Variants in CCDC102B observed in about 807,000 individuals in gnomAD.
CCDC102B encodes coiled-coil domain containing 102B.
In CCDC102B, 75 loss-of-function variants were observed where a neutral mutation model predicts 57.4. The observed-to-expected ratio is 1.31, with a 90% CI of 1.08 to 1.58. CCDC102B has a LOEUF of 1.58. Ranked by LOEUF, CCDC102B falls within the 40% of genes most tolerant of loss-of-function variation. The probability of loss-of-function intolerance (pLI) is 0.00; values close to 1 mark genes in which losing one functional copy is unlikely to be tolerated. For synonymous variants in CCDC102B, 206 were observed against 201.9 expected (o/e 1.02, Z -0.17); for missense variants, 636 against 582.6 (o/e 1.09, Z -0.94).
At chr18:69,025,702 A>G (rs2051969379) in intron 7 of CCDC102B, among the ~76,000 whole-genome samples, 1 of 152,220 alleles carries the variant, frequency 6.6e-6, no homozygotes, top group South Asian at 2.1e-4. Flanking sequence ...TTCTGTCATT[A>G]CTTGGTAACA....
intron 1 of CCDC102B, among the ~76,000 whole-genome samples, chr18:68,800,594 TG>T (rs2035811175): frequency 6.6e-6 from 1 of 152,148 alleles, no homozygotes; most frequent in Non-Finnish European, 1.5e-5. Flanking sequence ...ATCACTGATT[TG>T]CACTGAATAT....
At chr18:68,848,281 C>A (rs2037966476) in intron 4 of CCDC102B, among the ~76,000 whole-genome samples, 1 of 151,910 alleles carries the variant, frequency 6.6e-6, no homozygotes, top group Admixed American at 6.6e-5. Flanking sequence ...TTCTTACTCC[C>A]TTTTTCCTCA....
intron 7 of CCDC102B, among the ~76,000 whole-genome samples, chr18:69,024,931 T>C (rs1432627496): frequency 6.6e-6 from 1 of 152,062 alleles, no homozygotes; most frequent in Non-Finnish European, 1.5e-5. Flanking sequence ...TAGAATATAT[T>C]AGGAAGATTG....
At chr18:68,790,592 C>G (rs1236337741) in intron 2 of CCDC102B, among the ~76,000 whole-genome samples, 1 of 152,102 alleles carries the variant, frequency 6.6e-6, no homozygotes. Context: ...ACCCGATTTT[C>G]CAGGTGCTGT....
chr18:68,930,422 C>A (rs555375728), intron 6 of CCDC102B, among the ~76,000 whole-genome samples: 3 of 151,762 alleles, frequency 2.0e-5, no homozygotes, highest in Admixed American at 1.3e-4. Context: ...TAAAGTAATA[C>A]AGTAAGTAAC....
At chr18:68,776,979 G>A (rs1210113744) in intron 2 of CCDC102B, among the ~76,000 whole-genome samples, 1 of 152,048 alleles carries the variant, frequency 6.6e-6, no homozygotes, top group Non-Finnish European at 1.5e-5. Flanking sequence ...CTCTGTGTGT[G>A]TTTGGCTGTG....
At chr18:68,953,468 A>G (rs1222990202) in intron 6 of CCDC102B, among the ~76,000 whole-genome samples, 1 of 148,864 alleles carries the variant, frequency 6.7e-6, no homozygotes, top group Non-Finnish European at 1.5e-5. Flanking sequence ...ATCTTTTGAT[A>G]TACCTGTTGG....
intron 6 of CCDC102B, among the ~76,000 whole-genome samples, chr18:68,907,336 T>TAA (rs369141505): frequency 6.8e-6 from 1 of 148,048 alleles, no homozygotes; most frequent in South Asian, 2.2e-4. Flanking sequence ...TTTTTGCAAA[T>TAA]AAAAAAAAAA....
At chr18:68,780,682 T>A (rs2034977631) in intron 2 of CCDC102B, among the ~76,000 whole-genome samples, 1 of 152,150 alleles carries the variant, frequency 6.6e-6, no homozygotes, top group East Asian at 1.9e-4. Flanking sequence ...ATGCTGAGGT[T>A]TCCGACAGGT....
chr18:68,745,767 G>C (rs540842555), intron 2 of CCDC102B, among the ~76,000 whole-genome samples: 1 of 152,118 alleles, frequency 6.6e-6, no homozygotes, highest in Non-Finnish European at 1.5e-5. Flanking sequence ...TAGTAACCAC[G>C]ATTTTCCTTT....
intron 6 of CCDC102B, among the ~76,000 whole-genome samples, chr18:68,944,575 G>A (rs1279072037): frequency 1.3e-5 from 2 of 151,844 alleles, no homozygotes; most frequent in African/African-American, 4.8e-5. Context: ...CAATTCATGA[G>A]AGCAAAGCTC....
chr18:68,966,797 A>G (rs1277921042), intron 6 of CCDC102B, among the ~76,000 whole-genome samples: 1 of 152,118 alleles, frequency 6.6e-6, no homozygotes, highest in Non-Finnish European at 1.5e-5. Flanking sequence ...CCCTTTCTGC[A>G]GATATACTGA....
At chr18:68,856,349 G>A (rs2038385615) in intron 4 of CCDC102B, among the ~76,000 whole-genome samples, 2 of 152,094 alleles carry the variant, frequency 1.3e-5, no homozygotes, top group Non-Finnish European at 2.9e-5. Context: ...GGAGTGCAGT[G>A]GCACAATCCT....
intron 7 of CCDC102B, among the ~76,000 whole-genome samples, chr18:69,018,835 A>G (rs1182283772): frequency 1.3e-5 from 2 of 151,996 alleles, no homozygotes; most frequent in African/African-American, 2.4e-5. Flanking sequence ...AAAATTTATT[A>G]CCAAGAATAA....
At chr18:68,834,011 A>T (rs2037256533) in intron 1 of CCDC102B, among the ~76,000 whole-genome samples, 1 of 83,096 alleles carries the variant, frequency 1.2e-5, no homozygotes, top group Non-Finnish European at 2.6e-5. Flanking sequence ...TTGTATAGGG[A>T]AATGAAGACT....
intron 6 of CCDC102B, among the ~76,000 whole-genome samples, chr18:68,978,012 A>G (rs1336599673): frequency 2.0e-5 from 3 of 152,010 alleles, no homozygotes; most frequent in Non-Finnish European, 4.4e-5. Context: ...GAAGTAGTCC[A>G]CTGCCAGAGC....
At chr18:68,882,050 TA>T (rs1200865148) in intron 5 of CCDC102B, among the ~76,000 whole-genome samples, 27 of 152,182 alleles carry the variant, frequency 1.8e-4, no homozygotes, top group South Asian at 2.1e-4. Context: ...AAAAATATGT[TA>T]AAAATATTTT....
At chr18:68,828,208 T>C (rs550018267) in intron 1 of CCDC102B, among the ~76,000 whole-genome samples, 1 of 147,972 alleles carries the variant, frequency 6.8e-6, no homozygotes, top group East Asian at 2.0e-4. Context: ...ATCTGAACAA[T>C]ACAATCAACA....
intron 4 of CCDC102B, among the ~76,000 whole-genome samples, chr18:68,863,356 G>T (rs1749741544): frequency 6.6e-6 from 1 of 151,792 alleles, no homozygotes; most frequent in Admixed American, 6.6e-5. Context: ...GATTTAAAGG[G>T]TTTGGTTTGA....
Sources: allele counts gnomAD v4.1 joint callset (sites outside exome capture counted in the v4.1 genomes callset), GRCh38; gene constraint gnomAD v4.1.1; transcripts MANE v1.5; gene names NCBI Gene and HGNC (gene_info 2026-07-23, HGNC 2026-07-21).